The following SHROOM3 variants were observed in gnomAD, a reference collection of about 807,000 sequenced individuals.
The protein encoded by SHROOM3 is protein Shroom3.
In SHROOM3, 47 loss-of-function variants were observed where a neutral mutation model predicts 138.6. The ratio of observed to expected loss-of-function variants is 0.34; its 90% CI spans 0.27 to 0.43. The LOEUF is 0.43. Among genes scored for constraint, SHROOM3 ranks in the 20% least tolerant of loss-of-function variants. The pLI is 1.00. For missense variants in SHROOM3, 2,491 were observed against 2,596.5 expected, an observed-to-expected ratio of 0.96 and a Z score of 0.88; for synonymous variants, 1,062 against 1,063.3, an observed-to-expected ratio of 1.00 and a Z score of 0.02.
chr4:76,587,931 G>C (rs4482792), intron 2 of SHROOM3, among the ~76,000 whole-genome samples: 59,434 of 152,084 alleles, frequency 0.39, 12,047 homozygotes, highest in East Asian at 0.54. Flanking sequence ...TCTACCTTCG[G>C]TTATGAATTA....
chr4:76,572,484 A>C (rs1733852045), intron 2 of SHROOM3, among the ~76,000 whole-genome samples: 1 of 152,232 alleles, frequency 6.6e-6, no homozygotes, highest in Non-Finnish European at 1.5e-5. Flanking sequence ...CAGTGCAGTC[A>C]GTAGGAAACC....
Position 76,700,268 on chromosome 4 carries a change from A to G in SHROOM3, c.324-9888A>G, listed in dbSNP as rs143882613. Among the ~76,000 whole-genome samples, 79 of 152,336 alleles carry G rather than the reference A, an allele frequency of 5.2e-4. 1 individual carries two copies. Among genetic ancestry groups the G allele is most frequent in the Admixed American group, 1.8e-3 (28 of 15,304 alleles). On this transcript the variant is annotated intron_variant, in intron 2 of 10. Transcript: ENST00000296043. ...TCTTTGAGTCTGTTTCCTCATGAAT[A>G]AAGTAGGGACTAATAGCAGAAAGTC... is the stretch of plus-strand genomic sequence containing the variant.
At chr4:76,573,056 G>C (rs1305599895) in intron 2 of SHROOM3, among the ~76,000 whole-genome samples, 1 of 151,678 alleles carries the variant, frequency 6.6e-6, no homozygotes, top group Non-Finnish European at 1.5e-5. Context: ...ACTCCAGCCT[G>C]GGTGACAGAG....
chr4:76,672,322 G>T (rs1718905508), intron 2 of SHROOM3, among the ~76,000 whole-genome samples: 1 of 149,474 alleles, frequency 6.7e-6, no homozygotes, highest in Non-Finnish European at 1.5e-5. Flanking sequence ...TATCCCTATT[G>T]TTGGCATTGA....
chr4:76,594,238 T>G (rs529833622), intron 2 of SHROOM3, among the ~76,000 whole-genome samples: 1 of 152,344 alleles, frequency 6.6e-6, no homozygotes, highest in South Asian at 2.1e-4. Flanking sequence ...TGTGCTCTTT[T>G]TATTTGTTGT....
At chr4:76,744,468 C>G (rs1199297053) in intron 5 of SHROOM3, among the ~76,000 whole-genome samples, 1 of 152,232 alleles carries the variant, frequency 6.6e-6, no homozygotes, top group Non-Finnish European at 1.5e-5. Flanking sequence ...GGAGAAGCAT[C>G]TCATGGCAAG....
intron 10 of SHROOM3, among the ~76,000 whole-genome samples, chr4:76,774,886 G>A (rs1257050752): frequency 2.0e-5 from 3 of 151,840 alleles, no homozygotes; most frequent in Non-Finnish European, 4.4e-5. Context: ...CCCTACATAA[G>A]CTATTTTGTA....
intron 2 of SHROOM3, among the ~76,000 whole-genome samples, chr4:76,605,990 C>CATATAT (rs751028363): frequency 4.3e-4 from 36 of 84,696 alleles, no homozygotes; most frequent in African/African-American, 1.6e-3. Context: ...CACACACACA[C>CATATAT]ATATATATAT....
intron 5 of SHROOM3, among the ~76,000 whole-genome samples, chr4:76,748,000 AAAGTC>A (rs1354582279): frequency 1.3e-5 from 2 of 152,214 alleles, no homozygotes; most frequent in Non-Finnish European, 2.9e-5. Flanking sequence ...TTACAAAAAA[AAAGTC>A]AAGTGCCTAA....
chr4:76,778,637 T>TTTAGAGAATGCTGTAAC (rs1560627573), intron 10 of SHROOM3, among the ~76,000 whole-genome samples, 172 bp from the exon 11 acceptor site: 195 of 152,252 alleles, frequency 1.3e-3, no homozygotes, highest in African/African-American at 4.6e-3. Context: ...AATGCTGTAA[T>TTTAGAGAATGCTGTAAC]ATGTAATATA....
chr4:76,667,615 G>A (rs1292846442), intron 2 of SHROOM3, among the ~76,000 whole-genome samples: 4 of 152,028 alleles, frequency 2.6e-5, no homozygotes, highest in African/African-American at 9.6e-5. Context: ...TGCCCAGCCT[G>A]TTATGTATTC....
At chr4:76,583,880 A>G in intron 2 of SHROOM3, among the ~76,000 whole-genome samples, 1 of 152,224 alleles carries the variant, frequency 6.6e-6, no homozygotes, top group East Asian at 1.9e-4. Context: ...AAATATTGGC[A>G]ATTTCATATG....
rs529468839 is a variant in SHROOM3, at chr4:76,770,324, CAA to C, written c.5350-276_5350-275del. Among the ~76,000 whole-genome samples, 201 of 36,088 alleles carry C rather than the reference CAA, an allele frequency of 5.6e-3. 3 individuals carry two copies. The highest frequency in any genetic ancestry group is 0.016 in the African/African-American group (178 of 11,420). 23.7% of individuals were successfully genotyped at this position (36,088 alleles called of 152,430 possible). Reference sequence around the variant, plus strand: ...GGGTGACAAGAGCCAAACTCTGTCTCAAAAAAAAAAAAAAAAAAAAAAAAAAA... The same window carrying C: ...GGGTGACAAGAGCCAAACTCTGTCTCAAAAAAAAAAAAAAAAAAAAAAAAA... On this transcript the variant is annotated intron_variant, in intron 9 of 10. Coordinates refer to ENST00000296043, the MANE Select transcript of SHROOM3 (RefSeq NM_020859.4).
At chr4:76,462,067 A>G (rs1275774926) in intron 1 of SHROOM3, among the ~76,000 whole-genome samples, 1 of 152,154 alleles carries the variant, frequency 6.6e-6, no homozygotes, top group Non-Finnish European at 1.5e-5. Context: ...CTCTTTCTCT[A>G]CATCCCAGTG....
At chr4:76,477,035 T>C (rs191189353) in intron 1 of SHROOM3, among the ~76,000 whole-genome samples, 168 of 152,318 alleles carry the variant, frequency 1.1e-3, no homozygotes, top group African/African-American at 3.9e-3. Flanking sequence ...CGGCCTCATC[T>C]CGGCTCACTG....
At chr4:76,489,153 G>A (rs1731797104) in intron 1 of SHROOM3, among the ~76,000 whole-genome samples, 1 of 152,158 alleles carries the variant, frequency 6.6e-6, no homozygotes, top group African/African-American at 2.4e-5. Flanking sequence ...ATTTCAGACG[G>A]CAAAAGAAGC....
intron 1 of SHROOM3, among the ~76,000 whole-genome samples, chr4:76,530,204 A>T (rs1414121749): frequency 6.6e-6 from 1 of 152,218 alleles, no homozygotes. Context: ...ATAAATGACT[A>T]CTGTTTCTGC....
chr4:76,456,708 G>A (rs567375563), intron 1 of SHROOM3, among the ~76,000 whole-genome samples: 2 of 152,342 alleles, frequency 1.3e-5, no homozygotes, highest in East Asian at 1.9e-4. Context: ...CATATGGTTT[G>A]TTTCATGCGC....
chr4:76,677,623 A>G (rs1719077214), intron 2 of SHROOM3, among the ~76,000 whole-genome samples: 1 of 152,200 alleles, frequency 6.6e-6, no homozygotes, highest in Non-Finnish European at 1.5e-5. Context: ...TTTTTGGTTT[A>G]CCATCAAGAA....
Sources: gnomAD v4.1 joint callset for allele counts (sites outside exome capture counted in the v4.1 genomes callset) on GRCh38, gnomAD v4.1.1 for gene constraint, MANE v1.5 for transcripts, NCBI Gene and HGNC (gene_info 2026-07-23, HGNC 2026-07-21) for gene names.